The following POU2F2 variants were observed in gnomAD, a reference collection of about 807,000 sequenced individuals.
POU2F2 encodes POU class 2 homeobox 2.
In POU2F2, 14 loss-of-function variants were observed where a neutral mutation model predicts 63.5. That is an observed-to-expected ratio of 0.22 (90% confidence interval 0.15 to 0.34). The LOEUF is 0.34. Ranked by LOEUF, POU2F2 falls within the 10% of genes least tolerant of loss-of-function variation. The pLI is 1.00. For synonymous variants in POU2F2, 306 were observed against 348.6 expected, an observed-to-expected ratio of 0.88 and a Z score of 1.36; for missense variants, 607 against 815.2, an observed-to-expected ratio of 0.74 and a Z score of 3.11.
chr19:42,139,835 G>T (rs1008187898), intron 2 of POU2F2, among the ~76,000 whole-genome samples: 14 of 152,182 alleles, frequency 9.2e-5, no homozygotes, highest in Admixed American at 3.3e-4. Flanking sequence ...GTAAAGCATG[G>T]CCAACCTACT....
intron 2 of POU2F2, among the ~76,000 whole-genome samples, chr19:42,149,615 C>A (rs1252897391): frequency 6.6e-6 from 1 of 151,430 alleles, no homozygotes; most frequent in Non-Finnish European, 1.5e-5. Flanking sequence ...GAGTCAGAGT[C>A]AAATAGAGAG....
chr19:42,190,808 A>G (rs1599734560), intron 1 of POU2F2, among the ~76,000 whole-genome samples: 2 of 152,288 alleles, frequency 1.3e-5, no homozygotes, highest in South Asian at 4.1e-4. Context: ...AGTAACGTCG[A>G]GGCATACCTG....
intron 1 of POU2F2, among the ~76,000 whole-genome samples, chr19:42,165,078 C>T (rs984558663): frequency 2.6e-5 from 4 of 152,080 alleles, no homozygotes; most frequent in African/African-American, 9.7e-5. Flanking sequence ...CTACAATGAA[C>T]ATGTGTCACA....
upstream of POU2F2, among the ~76,000 whole-genome samples, chr19:42,180,697 C>T (rs1240176611): frequency 6.6e-6 from 1 of 152,096 alleles, no homozygotes; most frequent in Admixed American, 6.6e-5. Flanking sequence ...TGAGTATACA[C>T]TAAGCACACA....
intron 12 of POU2F2, chr19:42,093,604 C>T: frequency 9.9e-6 from 4 of 403,842 alleles, no homozygotes; most frequent in Non-Finnish European, 1.8e-5. Context: ...TTTTACCAGG[C>T]CCATGCTTTT....
chr19:42,126,116 T>G (rs1299418125), intron 1 of POU2F2, among the ~76,000 whole-genome samples: 3 of 152,140 alleles, frequency 2.0e-5, no homozygotes, highest in African/African-American at 7.2e-5. Context: ...ATAAGGTCAT[T>G]AGGGTGGACC....
At chr19:42,120,165 C>G (rs1245380639) in intron 4 of POU2F2, among the ~76,000 whole-genome samples, 1 of 151,980 alleles carries the variant, frequency 6.6e-6, no homozygotes, top group Non-Finnish European at 1.5e-5. Flanking sequence ...CCCACCTTGG[C>G]CTCCCAAAGT....
chr19:42,156,948 C>A lies in POU2F2; in HGVS notation c.-9+3384G>T, dbSNP rs2034468592. On this transcript the variant is annotated intron_variant, in intron 2 of 6. Coordinates refer to the POU2F2 transcript ENST00000524801. This position sits in a 1 kb window ranked among gnomAD's most constrained non-coding sequence, Gnocchi z 4.1. ...GGACTCCCCTCAGGGTGTGTGAGCACCCTGGGGCACATGCCTGTTGCTTAT... is the reference window on the plus strand; with the variant it reads ...GGACTCCCCTCAGGGTGTGTGAGCAACCTGGGGCACATGCCTGTTGCTTAT... 6.6e-6 allele frequency: 1 copy of A among 152,224 alleles called. No homozygotes were observed. The highest frequency in any genetic ancestry group is 2.1e-4 in the South Asian group (1 of 4,828). 9.4% of individuals were successfully genotyped at this position (152,224 alleles called of 1,614,324 possible). A position where few individuals can be genotyped will look rare whatever the true frequency, so the allele number is the denominator to read the frequency against.
intron 2 of POU2F2, among the ~76,000 whole-genome samples, chr19:42,151,057 C>A (rs141244775): frequency 1.4e-4 from 22 of 152,244 alleles, no homozygotes; most frequent in Admixed American, 7.8e-4. Context: ...TCCCCTCCCC[C>A]CTACCTGGCC....
chr19:42,142,316 G>A (rs1349158210), intron 2 of POU2F2, among the ~76,000 whole-genome samples: 5 of 151,638 alleles, frequency 3.3e-5, no homozygotes, highest in African/African-American at 4.8e-5. Flanking sequence ...TCAGCCTCCC[G>A]AGTAGCTGGG....
chr19:42,121,494 C>T (rs2032604481), intron 4 of POU2F2, among the ~76,000 whole-genome samples: 2 of 152,186 alleles, frequency 1.3e-5, no homozygotes, highest in South Asian at 4.1e-4. Flanking sequence ...AGTTCCCAGC[C>T]TCCCACCCCA....
intron 5 of POU2F2, among the ~76,000 whole-genome samples, chr19:42,113,391 GGACA>G (rs1429975260): frequency 1.3e-5 from 2 of 152,118 alleles, no homozygotes; most frequent in Non-Finnish European, 2.9e-5. Flanking sequence ...ACTGAGCAAT[GGACA>G]GACAAATTAT....
At chr19:42,173,953 G>A (rs763539775) in intron 1 of POU2F2, among the ~76,000 whole-genome samples, 1 of 152,168 alleles carries the variant, frequency 6.6e-6, no homozygotes, top group Non-Finnish European at 1.5e-5. Context: ...TTTACTCCTG[G>A]CCTGCCTGTC....
At chr19:42,182,069 AAGAAACTGGGG>A (rs1287117870) in intron 1 of POU2F2, among the ~76,000 whole-genome samples, 1 of 152,128 alleles carries the variant, frequency 6.6e-6, no homozygotes, top group Non-Finnish European at 1.5e-5. Flanking sequence ...GCAGGAAGGG[AAGAAACTGGGG>A]AGAAGGAAAA....
intron 1 of POU2F2, among the ~76,000 whole-genome samples, chr19:42,160,680 G>T (rs942470999): frequency 6.6e-6 from 1 of 152,248 alleles, no homozygotes; most frequent in Non-Finnish European, 1.5e-5. Context: ...TTCTTAAAGT[G>T]CAGGGACTGT....
At chr19:42,176,901 G>A (rs1466263796), upstream of POU2F2, among the ~76,000 whole-genome samples, 1 of 151,434 alleles carries the variant, frequency 6.6e-6, no homozygotes, top group African/African-American at 2.4e-5. Flanking sequence ...GCAATAGGCC[G>A]AGCCGGCTGC....
At chr19:42,106,973 C>G (rs2030183122) in intron 5 of POU2F2, among the ~76,000 whole-genome samples, 1 of 152,022 alleles carries the variant, frequency 6.6e-6, no homozygotes, top group Non-Finnish European at 1.5e-5. Flanking sequence ...TGGCAGTAAG[C>G]TATGATCACA....
chr19:42,120,230 T>G (rs1254552557), intron 4 of POU2F2, among the ~76,000 whole-genome samples: 1 of 151,704 alleles, frequency 6.6e-6, no homozygotes, highest in Non-Finnish European at 1.5e-5. Flanking sequence ...TTTTTTTTTT[T>G]TTTTGAGCTG....
At chr19:42,194,003 A>G (rs1200009882) in intron 1 of POU2F2, among the ~76,000 whole-genome samples, 1 of 152,254 alleles carries the variant, frequency 6.6e-6, no homozygotes, top group Non-Finnish European at 1.5e-5. Flanking sequence ...AAAGGAAACC[A>G]GACACAACAG....
Sources: gnomAD v4.1 joint callset for allele counts (sites outside exome capture counted in the v4.1 genomes callset) on GRCh38, gnomAD v4.1.1 for gene constraint, Gnocchi (gnomAD v3.1) non-coding constraint, MANE v1.5 for transcripts, NCBI Gene and HGNC (gene_info 2026-07-23, HGNC 2026-07-21) for gene names.